Variants in RNF217 observed in about 807,000 individuals in gnomAD.
RNF217 encodes the protein E3 ubiquitin-protein ligase RNF217.
A neutral mutation model predicts 57.8 loss-of-function variants in RNF217; 31 were observed. The observed-to-expected ratio is 0.54, with a 90% confidence interval of 0.40 to 0.72. The LOEUF is 0.72. Ranked by LOEUF, RNF217 falls within the 30% of genes least tolerant of loss-of-function variation. The probability of loss-of-function intolerance (pLI) is 0.00; values close to 1 mark genes in which losing one functional copy is unlikely to be tolerated. For missense variants in RNF217, 696 were observed against 708.3 expected, an observed-to-expected ratio of 0.98 and a Z score of 0.20; for synonymous variants, 313 against 294.0, an observed-to-expected ratio of 1.06 and a Z score of -0.66.
chr6:124,967,936 G>A (rs992875621), intron 1 of RNF217, among the ~76,000 whole-genome samples: 1 of 152,018 alleles, frequency 6.6e-6, no homozygotes, highest in Non-Finnish European at 1.5e-5. Flanking sequence ...ATGCCATCAA[G>A]CCAAGCTAAT....
At chr6:125,059,163 A>G (rs1278772362) in intron 3 of RNF217, among the ~76,000 whole-genome samples, 5 of 152,180 alleles carry the variant, frequency 3.3e-5, no homozygotes, top group African/African-American at 1.2e-4. Flanking sequence ...GTATGAAATA[A>G]CGTGTTGCAT....
intron 3 of RNF217, among the ~76,000 whole-genome samples, chr6:125,066,128 G>A (rs1787928976): frequency 6.6e-6 from 1 of 152,112 alleles, no homozygotes; most frequent in Non-Finnish European, 1.5e-5. Context: ...CCATATCTCA[G>A]TACCCCCACT....
chr6:125,006,205 T>C (rs1042885113), intron 1 of RNF217: 1 of 152,158 alleles, frequency 6.6e-6, no homozygotes, highest in African/African-American at 2.4e-5. Flanking sequence ...GTTGGAGATG[T>C]TTATGTTGCA....
At chr6:125,001,877 G>A (rs895821708) in intron 1 of RNF217, among the ~76,000 whole-genome samples, 2 of 152,032 alleles carry the variant, frequency 1.3e-5, no homozygotes, top group Admixed American at 1.3e-4. Context: ...GAGAACAAAT[G>A]TTACTCCCAT....
chr6:124,966,928 T>C (rs1044927798), intron 1 of RNF217, among the ~76,000 whole-genome samples: 2 of 152,212 alleles, frequency 1.3e-5, no homozygotes, highest in Non-Finnish European at 2.9e-5. Flanking sequence ...AACATAGTTC[T>C]TCTCCAGTTA....
At chr6:124,983,680 T>C (rs1445264398) in intron 1 of RNF217, among the ~76,000 whole-genome samples, 2 of 152,194 alleles carry the variant, frequency 1.3e-5, no homozygotes, top group African/African-American at 4.8e-5. Flanking sequence ...ATATTTCAAA[T>C]GCAGTATTTT....
chr6:125,055,513 TTAAA>T (rs1363261528), intron 2 of RNF217, among the ~76,000 whole-genome samples: 1 of 152,192 alleles, frequency 6.6e-6, no homozygotes, highest in Admixed American at 6.5e-5. Flanking sequence ...CTTTGAGTCA[TTAAA>T]TGTCTGACAT....
In RNF217 at chr6:125,076,686, C is replaced by T. The variant is rs116592234; in HGVS notation, c.1311C>T (p.Asp437=). Residue 437 remains aspartate (D), a synonymous_variant, in exon 4 of 6, where the codon GAC becomes GAT. Transcript: ENST00000521654. ...ACATCCAGCGAACTGAAGGATGTGA[C>T]CATATGACCTGCTCACAATGTAACA... ...KIHIQRTEGC[D]HMTCSQCNTN... 1,416 of 1,611,486 alleles carry T rather than the reference C, an allele frequency of 8.8e-4. 7 individuals carry two copies. The African/African-American group carries it at 0.017, about 19-fold the overall frequency.
At chr6:125,030,206 C>G (rs145221592) in intron 1 of RNF217, among the ~76,000 whole-genome samples, 1 of 152,244 alleles carries the variant, frequency 6.6e-6, no homozygotes, top group South Asian at 2.1e-4. Context: ...TCCCACAACA[C>G]GTAGGAATTC....
At chr6:125,053,461 A>G (rs1232246306) in intron 2 of RNF217, among the ~76,000 whole-genome samples, 1 of 152,044 alleles carries the variant, frequency 6.6e-6, no homozygotes, top group East Asian at 1.9e-4. Flanking sequence ...CAGCTCTTAT[A>G]TTTGCAGTGC....
intron 1 of RNF217, among the ~76,000 whole-genome samples, chr6:125,008,435 C>G (rs1785275583): frequency 6.6e-6 from 1 of 152,128 alleles, no homozygotes. Flanking sequence ...GACCTGCCAT[C>G]CTACCTCTTT....
At chr6:125,068,185 G>A (rs2114617564) in intron 3 of RNF217, among the ~76,000 whole-genome samples, 1 of 152,196 alleles carries the variant, frequency 6.6e-6, no homozygotes, top group African/African-American at 2.4e-5. Context: ...TTATAGACTG[G>A]AAGAGTAGAG....
intron 1 of RNF217, among the ~76,000 whole-genome samples, chr6:124,972,531 G>C (rs1203523047): frequency 1.3e-5 from 2 of 152,134 alleles, no homozygotes; most frequent in African/African-American, 4.8e-5. Context: ...TCATGTCCCT[G>C]TGCATTCTGA....
chr6:125,036,032 G>A (rs1786599340), intron 1 of RNF217, among the ~76,000 whole-genome samples: 1 of 151,864 alleles, frequency 6.6e-6, no homozygotes, highest in Non-Finnish European at 1.5e-5. Flanking sequence ...TAGGCTTTAA[G>A]CCCCGCATGC....
At chr6:125,035,100 G>T (rs1451382513) in intron 1 of RNF217, among the ~76,000 whole-genome samples, 1 of 152,160 alleles carries the variant, frequency 6.6e-6, no homozygotes, top group Admixed American at 6.5e-5. Context: ...ATTTTGGGCA[G>T]AGACAATGGG....
rs1217817249 is a variant in RNF217, at chr6:125,013,358, T to C, written c.883-31853T>C. Reference sequence around the variant, plus strand: ...TGCTTGCATGTTTTGTGTATGTGTGTGTGTGTGTGTGTGTGTGTGTGTGTG... The same window carrying C: ...TGCTTGCATGTTTTGTGTATGTGTGCGTGTGTGTGTGTGTGTGTGTGTGTG... On this transcript the variant is annotated intron_variant, in intron 1 of 5. Transcript: ENST00000521654. 2.7e-5 allele frequency among the ~76,000 whole-genome samples: 4 copies of C among 146,804 alleles called. No homozygotes were observed. In the East Asian group the frequency reaches 6.0e-4, roughly 22 times the overall value.
chr6:125,045,281 T>A lies in RNF217; in HGVS notation c.953T>A (p.Val318Asp). The A allele has an allele frequency of 6.2e-7, 1 of 1,613,418 alleles. No homozygotes were observed. Among genetic ancestry groups the A allele is most frequent in the Non-Finnish European group, 8.5e-7 (1 of 1,179,586 alleles). ...TTTGAATTCTTGGAAGAAACAACTGTTGTCTATAACTTAACGCATGAAGAC... is the reference window on the plus strand; with the variant it reads ...TTTGAATTCTTGGAAGAAACAACTGATGTCTATAACTTAACGCATGAAGAC... Reference protein sequence around the residue: ...ECFEFLEETTVVYNLTHEDSI... With the variant: ...ECFEFLEETTDVYNLTHEDSI... The change falls in exon 2 of 6, where the codon GTT (valine) becomes GAT (aspartate). Residue 318 changes from valine to aspartate, a missense_variant. Transcript: ENST00000521654.
intron 1 of RNF217, among the ~76,000 whole-genome samples, chr6:124,970,154 T>C (rs1210021770): frequency 6.6e-6 from 1 of 152,072 alleles, no homozygotes; most frequent in Non-Finnish European, 1.5e-5. Context: ...TAAAGTAAAA[T>C]GTTGTAAGAA....
intron 3 of RNF217, among the ~76,000 whole-genome samples, chr6:125,063,521 C>T (rs1287364169): frequency 6.6e-6 from 1 of 152,122 alleles, no homozygotes; most frequent in African/African-American, 2.4e-5. Flanking sequence ...CTAACATGTA[C>T]TGACATTTAT....
Sources: gnomAD v4.1 joint callset for allele counts (sites outside exome capture counted in the v4.1 genomes callset) on GRCh38, gnomAD v4.1.1 for gene constraint, MANE v1.5 for transcripts, NCBI Gene and HGNC (gene_info 2026-07-23, HGNC 2026-07-21) for gene names.